Variants in MICAL2 observed in about 807,000 individuals in gnomAD.
MICAL2 encodes [F-actin]-monooxygenase MICAL2.
In MICAL2, 77 loss-of-function variants were observed where a neutral mutation model predicts 127.3. The ratio of observed to expected loss-of-function variants is 0.60; its 90% CI spans 0.50 to 0.73. MICAL2 has a LOEUF of 0.73. MICAL2 is among the 30% of genes least tolerant of loss of function. The pLI is 0.00. For missense variants in MICAL2, 1,351 were observed against 1,434.4 expected, an observed-to-expected ratio of 0.94 and a Z score of 0.94; for synonymous variants, 570 against 551.1, an observed-to-expected ratio of 1.03 and a Z score of -0.48.
At chr11:12,314,191 T>C (rs1864206170) in intron 29 of MICAL2, among the ~76,000 whole-genome samples, 1 of 151,914 alleles carries the variant, frequency 6.6e-6, no homozygotes, top group Admixed American at 6.6e-5. Flanking sequence ...TATATTTGGG[T>C]TTAAATCTAT....
chr11:12,112,322 AGTT>A, intron 1 of MICAL2, among the ~76,000 whole-genome samples: 1 of 152,294 alleles, frequency 6.6e-6, no homozygotes, highest in South Asian at 2.1e-4. Flanking sequence ...AGGTTAGCCA[AGTT>A]GTTCAACCTG....
At chr11:12,143,083 A>T (rs1468858899) in intron 2 of MICAL2, among the ~76,000 whole-genome samples, 1 of 152,194 alleles carries the variant, frequency 6.6e-6, no homozygotes, top group Non-Finnish European at 1.5e-5. Context: ...TAGCTCCCTT[A>T]TCGCTCTGGA....
At chr11:12,281,963 TG>T (rs1366963177) in intron 2 of MICAL2, among the ~76,000 whole-genome samples, 1 of 152,244 alleles carries the variant, frequency 6.6e-6, no homozygotes, top group African/African-American at 2.4e-5. Context: ...GGAAACTTGC[TG>T]CCCAATGGCC....
intron 15 of MICAL2, among the ~76,000 whole-genome samples, chr11:12,228,763 T>A (rs1390382692): frequency 6.6e-6 from 1 of 152,138 alleles, no homozygotes; most frequent in East Asian, 1.9e-4. Flanking sequence ...GGGTCGGGGC[T>A]GAGGACAGGC....
chr11:12,193,595 G>A lies in MICAL2; in HGVS notation c.265-10655G>A, dbSNP rs140769586. ...GAGAGAAGGGCCTAGAAAGACAGTG[G>A]GCCCTAATACTTCAAAGAAAGGTGG... On this transcript the variant is annotated intron_variant, in intron 3 of 27. Coordinates refer to ENST00000683283, the MANE Select transcript of MICAL2 (RefSeq NM_001282663.2). 1.6e-4 allele frequency among the ~76,000 whole-genome samples: 25 copies of A among 152,258 alleles called. No individual in the cohort carries two copies. In the East Asian group the frequency reaches 4.1e-3, roughly 25 times the overall value.
rs573951944 is a variant in MICAL2, at chr11:12,198,072, T to C, written c.265-6178T>C. ...TCCTTTCCCAGAGCAGCACTTGAAG[T>C]TCCCCTGGGGAGCCCCTACTGGCCA... On this transcript the variant is annotated intron_variant, in intron 3 of 27. Transcript: ENST00000683283. Among the ~76,000 whole-genome samples the C allele has an allele frequency of 2.6e-5, 4 of 152,284 alleles. No individual in the cohort carries two copies. The South Asian group carries it at 8.3e-4, about 32-fold the overall frequency.
chr11:12,224,540 C>T, intron 12 of MICAL2, 133 bp from the exon 13 acceptor site: 2 of 1,192,584 alleles, frequency 1.7e-6, no homozygotes, highest in African/African-American at 1.5e-5. Context: ...GTGCCAGTGG[C>T]CCCCTGCCCT....
chr11:12,184,719 A>G (rs11022233), intron 3 of MICAL2, among the ~76,000 whole-genome samples: 13,454 of 152,048 alleles, frequency 0.088, 885 homozygotes, highest in African/African-American at 0.18. Flanking sequence ...GGTGAGTTTA[A>G]TTTGGTGGCT....
rs568805198 is a variant in MICAL2, at chr11:12,270,385, C to T, written c.3335-5601C>T. 5.3e-5 allele frequency among the ~76,000 whole-genome samples: 8 copies of T among 152,302 alleles called. No homozygotes were observed. The East Asian group carries it at 5.8e-4, about 11-fold the overall frequency. ...CTTACTGTTAGTTTTGACTGCTGGA[C>T]GCGCTGGTGTGGGGCTGGAGGGCAG... On this transcript the variant is annotated intron_variant, in intron 24 of 34. Coordinates refer to the MICAL2 transcript ENST00000646065.
intron 32 of MICAL2, among the ~76,000 whole-genome samples, chr11:12,347,844 C>G (rs1285385579): frequency 6.6e-6 from 1 of 152,016 alleles, no homozygotes; most frequent in Non-Finnish European, 1.5e-5. Context: ...TATGAATGCA[C>G]AAGACCCTGA....
chr11:12,274,122 T>C (rs891642846), upstream of MICAL2, among the ~76,000 whole-genome samples: 1 of 151,892 alleles, frequency 6.6e-6, no homozygotes, highest in East Asian at 1.9e-4. Flanking sequence ...AGTAGACAAA[T>C]GAGGACACAA....
At chr11:12,303,728 C>T (rs1190845804) in intron 29 of MICAL2, 1 of 152,074 alleles carries the variant, frequency 6.6e-6, no homozygotes, top group African/African-American at 2.4e-5. Context: ...TATTATTAGC[C>T]CTTTTGTCAT....
chr11:12,241,391 T>C (rs1859940505), intron 18 of MICAL2, among the ~76,000 whole-genome samples: 1 of 152,242 alleles, frequency 6.6e-6, no homozygotes, highest in South Asian at 2.1e-4. Flanking sequence ...CCAAATACCA[T>C]GCTCTCGATG....
At chr11:12,191,627 C>T (rs1469172210) in intron 3 of MICAL2, among the ~76,000 whole-genome samples, 1 of 151,930 alleles carries the variant, frequency 6.6e-6, no homozygotes, top group Non-Finnish European at 1.5e-5. Flanking sequence ...ATTAGCTGGG[C>T]ATGGTGGTGC....
At chr11:12,305,516 A>G (rs1431534829) in intron 29 of MICAL2, among the ~76,000 whole-genome samples, 1 of 152,186 alleles carries the variant, frequency 6.6e-6, no homozygotes, top group Non-Finnish European at 1.5e-5. Flanking sequence ...TTTACTGTAC[A>G]TACATACCTA....
chr11:12,271,776 C>T (rs936134599), upstream of MICAL2, among the ~76,000 whole-genome samples: 9 of 152,128 alleles, frequency 5.9e-5, no homozygotes, highest in Non-Finnish European at 1.0e-4. Flanking sequence ...GGAATTTTCT[C>T]GTGGAGGTGG....
At chr11:12,230,419 C>T (rs1370090280) in intron 15 of MICAL2, among the ~76,000 whole-genome samples, 1 of 152,164 alleles carries the variant, frequency 6.6e-6, no homozygotes, top group Non-Finnish European at 1.5e-5. Context: ...CTCATCAGCC[C>T]TTCTGGAGTG....
intron 1 of MICAL2, among the ~76,000 whole-genome samples, chr11:12,131,299 CAAAAAA>C (rs60340716): frequency 1.5e-4 from 2 of 13,712 alleles, no homozygotes; most frequent in Admixed American, 1.6e-3. Flanking sequence ...GACTCCGTCT[CAAAAAA>C]AAAAAAAAAA....
At chr11:12,260,697 TAGA>T (rs1418549100) in intron 26 of MICAL2, 4 of 985,560 alleles carry the variant, frequency 4.1e-6, no homozygotes, top group East Asian at 1.1e-4. Flanking sequence ...ATAATTATTT[TAGA>T]AGAAGAGAGT....
Sources: allele counts gnomAD v4.1 joint callset (sites outside exome capture counted in the v4.1 genomes callset), GRCh38; gene constraint gnomAD v4.1.1; transcripts MANE v1.5; gene names NCBI Gene and HGNC (gene_info 2026-07-23, HGNC 2026-07-21).